CNOT2: variants seen among roughly 807,000 people sequenced by gnomAD.
CNOT2 encodes CC chemokine receptor 4-negative regulator of transcription 2.
A neutral mutation model predicts 72.1 loss-of-function variants in CNOT2; 7 were observed. The ratio of observed to expected loss-of-function variants is 0.10; its 90% confidence interval spans 0.06 to 0.18. The LOEUF (loss-of-function observed/expected upper bound fraction) is 0.18, where lower values mean the gene tolerates loss of function less well. Among genes scored for constraint, CNOT2 ranks in the 10% least tolerant of loss-of-function variants. The probability of loss-of-function intolerance (pLI) is 1.00; values close to 1 mark genes in which losing one functional copy is unlikely to be tolerated. For missense variants in CNOT2, 345 were observed against 660.3 expected (o/e 0.52, Z 5.23); for synonymous variants, 196 against 225.6 (o/e 0.87, Z 1.17).
At chr12:70,302,546 C>T (rs1234102871) in intron 2 of CNOT2, among the ~76,000 whole-genome samples, 19 of 150,406 alleles carry the variant, frequency 1.3e-4, no homozygotes, top group Non-Finnish European at 1.5e-4. Context: ...TTCTTAATCC[C>T]GAGTTCTAGT....
At chr12:70,340,546 C>G (rs1442394368) in intron 11 of CNOT2, among the ~76,000 whole-genome samples, 1 of 152,172 alleles carries the variant, frequency 6.6e-6, no homozygotes, top group Non-Finnish European at 1.5e-5. Context: ...CTTATTCTGT[C>G]TACAGCCTTT....
At chr12:70,266,003 CT>C (rs200929958) in intron 1 of CNOT2, among the ~76,000 whole-genome samples, 21,007 of 143,404 alleles carry the variant, frequency 0.15, 1,760 homozygotes, top group Admixed American at 0.28. Flanking sequence ...ATTCTTTTAA[CT>C]TTTTTTTTTT....
chr12:70,247,733 G>GTTTATGT (rs1158624716), intron 1 of CNOT2, among the ~76,000 whole-genome samples: 1 of 152,132 alleles, frequency 6.6e-6, no homozygotes. Context: ...ACTTGTTTAT[G>GTTTATGT]TTTATGTTTT....
At chr12:70,339,956 T>C (rs1881275212) in intron 11 of CNOT2, among the ~76,000 whole-genome samples, 1 of 152,228 alleles carries the variant, frequency 6.6e-6, no homozygotes, top group South Asian at 2.1e-4. Flanking sequence ...TCACACTTTG[T>C]TGGGTCATTT....
At chr12:70,329,798 G>A (rs576949808) in intron 5 of CNOT2, among the ~76,000 whole-genome samples, 1 of 152,046 alleles carries the variant, frequency 6.6e-6, no homozygotes, top group South Asian at 2.1e-4. Flanking sequence ...GATATCAAGG[G>A]TTAATCATTT....
intron 4 of CNOT2, among the ~76,000 whole-genome samples, chr12:70,320,311 A>G (rs1171177132): frequency 6.6e-6 from 1 of 151,768 alleles, no homozygotes; most frequent in Non-Finnish European, 1.5e-5. Context: ...TTTGACAGGT[A>G]TCAGAATAGT....
intron 1 of CNOT2, among the ~76,000 whole-genome samples, chr12:70,268,646 T>C (rs369766693): frequency 4.0e-5 from 6 of 151,604 alleles, no homozygotes; most frequent in African/African-American, 1.5e-4. Context: ...TTTTTGGTAG[T>C]GATGGGGTCT....
chr12:70,339,137 C>T (rs1201510392), intron 11 of CNOT2, among the ~76,000 whole-genome samples: 2 of 150,368 alleles, frequency 1.3e-5, no homozygotes, highest in Non-Finnish European at 1.5e-5. Flanking sequence ...GAAATCTCAG[C>T]TCCTTGAATT....
intron 3 of CNOT2, among the ~76,000 whole-genome samples, chr12:70,312,913 A>C (rs1408407647): frequency 1.3e-5 from 2 of 151,990 alleles, no homozygotes; most frequent in African/African-American, 4.8e-5. Context: ...TGCTATCAGA[A>C]ATAATTGCTA....
chr12:70,316,207 C>T (rs1340545086), intron 3 of CNOT2, among the ~76,000 whole-genome samples: 6 of 152,148 alleles, frequency 3.9e-5, no homozygotes, highest in Non-Finnish European at 8.8e-5. Flanking sequence ...ACTTGTGCTG[C>T]ATCCCCTACT....
chr12:70,332,551 A>G (rs1340080168), intron 6 of CNOT2: 2 of 654,566 alleles, frequency 3.1e-6, no homozygotes, highest in South Asian at 6.8e-5. Context: ...TTTTTAACTA[A>G]TCTGCCTAAA....
At chr12:70,276,782 AT>A (rs1166821206) in intron 1 of CNOT2, among the ~76,000 whole-genome samples, 2 of 152,016 alleles carry the variant, frequency 1.3e-5, no homozygotes, top group Admixed American at 1.3e-4. Context: ...AATAATTACA[AT>A]TTTGTCATAC....
At chr12:70,283,926 G>A (rs1052403174) in intron 2 of CNOT2, among the ~76,000 whole-genome samples, 2 of 139,658 alleles carry the variant, frequency 1.4e-5, no homozygotes, top group Non-Finnish European at 3.1e-5. Flanking sequence ...ACTTCATGAT[G>A]TAAATTTTTT....
In CNOT2 at chr12:70,313,798, T is replaced by C. The variant is rs977632929; in HGVS notation, c.171+2781T>C. Among the ~76,000 whole-genome samples, 4 of 152,170 alleles carry C rather than the reference T, an allele frequency of 2.6e-5. No homozygotes were observed. The South Asian group carries it at 8.3e-4, about 31-fold the overall frequency. On this transcript the variant is annotated intron_variant, in intron 3 of 15. Coordinates refer to ENST00000229195, the MANE Select transcript of CNOT2 (RefSeq NM_014515.7). The stretch of plus-strand genomic sequence containing the variant: ...AACAGGCAGTGTGCTGGATTTGTCC[T>C]GCAGGAAATAATTTGCCCACCCCTG...
At chr12:70,330,041 TCA>T (rs1411126509) in intron 5 of CNOT2, among the ~76,000 whole-genome samples, 2 of 152,026 alleles carry the variant, frequency 1.3e-5, no homozygotes, top group Non-Finnish European at 2.9e-5. Context: ...ATATTTTATG[TCA>T]CAGTCACACC....
chr12:70,341,182 G>C (rs1219545514), intron 11 of CNOT2, among the ~76,000 whole-genome samples: 2 of 152,066 alleles, frequency 1.3e-5, no homozygotes, highest in East Asian at 3.9e-4. Flanking sequence ...CACCGCGCTT[G>C]ACCAGAAACC....
intron 1 of CNOT2, among the ~76,000 whole-genome samples, chr12:70,263,669 G>A (rs1958885403): frequency 1.3e-5 from 2 of 151,998 alleles, no homozygotes; most frequent in African/African-American, 4.8e-5. Context: ...TCTTTATTAA[G>A]TCTGACATCT....
At chr12:70,350,742 C>T (rs893500991) in intron 15 of CNOT2, among the ~76,000 whole-genome samples, 4 of 152,152 alleles carry the variant, frequency 2.6e-5, no homozygotes, top group Non-Finnish European at 5.9e-5. Context: ...TGGGTCCCAT[C>T]CCCAAGATAC....
At chr12:70,262,374 C>T (rs949125735) in intron 1 of CNOT2, among the ~76,000 whole-genome samples, 1 of 151,774 alleles carries the variant, frequency 6.6e-6, no homozygotes, top group Admixed American at 6.6e-5. Flanking sequence ...CCCAGGTTCA[C>T]GCCATTCTCC....
Sources: allele counts gnomAD v4.1 joint callset (sites outside exome capture counted in the v4.1 genomes callset), GRCh38; gene constraint gnomAD v4.1.1; transcripts MANE v1.5; gene names NCBI Gene and HGNC (gene_info 2026-07-23, HGNC 2026-07-21).